The following EYA1 variants were observed in gnomAD, a reference collection of about 807,000 sequenced individuals.
EYA1 encodes the protein EYA transcriptional coactivator and phosphatase 1, also known as protein phosphatase EYA1.
A neutral mutation model predicts 82.0 loss-of-function variants in EYA1; 16 were observed. The ratio of observed to expected loss-of-function variants is 0.20; its 90% confidence interval spans 0.13 to 0.30. The LOEUF (loss-of-function observed/expected upper bound fraction) is 0.30. EYA1 is among the 10% of genes least tolerant of loss of function. The pLI is 1.00. For missense variants in EYA1, 633 were observed against 730.7 expected, an observed-to-expected ratio of 0.87 and a Z score of 1.54; for synonymous variants, 261 against 264.4, an observed-to-expected ratio of 0.99 and a Z score of 0.12.
chr8:71,434,287 T>C (rs1364547842), intron 2 of EYA1, among the ~76,000 whole-genome samples: 1 of 152,180 alleles, frequency 6.6e-6, no homozygotes, highest in Non-Finnish European at 1.5e-5. Context: ...TTCACACATA[T>C]AGGGACACCA....
At chr8:71,475,582 C>T (rs1809598281) in intron 2 of EYA1, among the ~76,000 whole-genome samples, 1 of 152,050 alleles carries the variant, frequency 6.6e-6, no homozygotes, top group Admixed American at 6.5e-5. Flanking sequence ...TTTTCATTGT[C>T]CCAAAGTCTA....
chr8:71,346,431 A>AAT (rs3066856), intron 3 of EYA1, among the ~76,000 whole-genome samples: 6,494 of 105,350 alleles, frequency 0.062, 288 homozygotes, highest in African/African-American at 0.11. Context: ...TACTGCAGTG[A>AAT]ATATATATAT....
intron 2 of EYA1, among the ~76,000 whole-genome samples, chr8:71,385,525 T>C (rs1828927451): frequency 1.3e-5 from 2 of 152,190 alleles, no homozygotes; most frequent in Non-Finnish European, 2.9e-5. Flanking sequence ...CTGAAGTTTA[T>C]ATAATACTTT....
chr8:71,279,050 C>T (rs16937550), intron 9 of EYA1, among the ~76,000 whole-genome samples: 13,403 of 152,236 alleles, frequency 0.088, 1,045 homozygotes, highest in East Asian at 0.43. Context: ...AGGGTAGCTA[C>T]GATCTCTGGC....
At chr8:71,262,191 T>C (rs1365815657) in intron 11 of EYA1, among the ~76,000 whole-genome samples, 4 of 152,250 alleles carry the variant, frequency 2.6e-5, no homozygotes, top group Non-Finnish European at 5.9e-5. Context: ...CATTGGATAA[T>C]AAGTGTGAGA....
At chr8:71,331,081 T>G (rs1048558735) in intron 4 of EYA1, among the ~76,000 whole-genome samples, 1 of 151,762 alleles carries the variant, frequency 6.6e-6, no homozygotes, top group African/African-American at 2.4e-5. Flanking sequence ...CTTCAAAAAT[T>G]AGCTGGGCAT....
chr8:71,308,311 G>A (rs537311988), intron 7 of EYA1, among the ~76,000 whole-genome samples: 1 of 152,136 alleles, frequency 6.6e-6, no homozygotes, highest in Non-Finnish European at 1.5e-5. Context: ...ATTTTTAAAG[G>A]ACTTCTTCAT....
At chr8:71,328,681 G>C (rs928443095) in intron 4 of EYA1, among the ~76,000 whole-genome samples, 1 of 152,068 alleles carries the variant, frequency 6.6e-6, no homozygotes, top group African/African-American at 2.4e-5. Flanking sequence ...TTTCTCTGGG[G>C]TTGATGACAG....
intron 2 of EYA1, among the ~76,000 whole-genome samples, chr8:71,499,438 G>A (rs1165192056): frequency 6.6e-6 from 1 of 152,182 alleles, no homozygotes; most frequent in Admixed American, 6.5e-5. Flanking sequence ...GAGGTGCTAA[G>A]GAACTTACTA....
upstream of EYA1, among the ~76,000 whole-genome samples, chr8:71,362,684 T>A (rs1827506414): frequency 6.6e-6 from 1 of 152,218 alleles, no homozygotes; most frequent in South Asian, 2.1e-4. Context: ...CTGTGAACAA[T>A]TCCTTGGCTA....
intron 3 of EYA1, among the ~76,000 whole-genome samples, chr8:71,337,276 C>T (rs895133829): frequency 6.6e-6 from 1 of 152,158 alleles, no homozygotes; most frequent in Non-Finnish European, 1.5e-5. Context: ...CCATACTCTT[C>T]ATTATATGAC....
At chr8:71,512,658 AT>A (rs1311877704) in intron 2 of EYA1, among the ~76,000 whole-genome samples, 1 of 152,106 alleles carries the variant, frequency 6.6e-6, no homozygotes, top group East Asian at 1.9e-4. Context: ...TTTAAAAAAA[AT>A]CTAACATAAG....
intron 3 of EYA1, among the ~76,000 whole-genome samples, chr8:71,337,600 A>T (rs1824647134): frequency 6.6e-6 from 1 of 152,202 alleles, no homozygotes; most frequent in South Asian, 2.1e-4. Context: ...AGACTTTCTA[A>T]AAGTGATTTA....
intron 2 of EYA1, among the ~76,000 whole-genome samples, chr8:71,522,157 TG>T (rs1240544799): frequency 6.6e-6 from 1 of 152,210 alleles, no homozygotes; most frequent in Admixed American, 6.5e-5. Context: ...TAAAATTATA[TG>T]CTAAACCCAA....
At chr8:71,421,338 C>G (rs1249077496) in intron 2 of EYA1, among the ~76,000 whole-genome samples, 1 of 152,174 alleles carries the variant, frequency 6.6e-6, no homozygotes, top group Non-Finnish European at 1.5e-5. Flanking sequence ...ACACTGGACA[C>G]TTCCTAGTCC....
intron 12 of EYA1, among the ~76,000 whole-genome samples, chr8:71,217,599 G>A (rs750606611): frequency 4.6e-5 from 7 of 152,086 alleles, no homozygotes; most frequent in Non-Finnish European, 1.0e-4. Context: ...GTGTGTGTGT[G>A]TGTGTACACA....
chr8:71,403,033 C>T (rs1348071373), intron 2 of EYA1, among the ~76,000 whole-genome samples: 2 of 152,050 alleles, frequency 1.3e-5, no homozygotes, highest in East Asian at 3.8e-4. Flanking sequence ...GTGAGATTTT[C>T]CCAGGCAAAA....
At chr8:71,450,183 T>C (rs777947064) in intron 2 of EYA1, among the ~76,000 whole-genome samples, 1 of 152,236 alleles carries the variant, frequency 6.6e-6, no homozygotes, top group Non-Finnish European at 1.5e-5. Flanking sequence ...GGACTTTTCT[T>C]TTGAATTAAC....
chr8:71,454,025 C>A (rs371144578), intron 2 of EYA1, among the ~76,000 whole-genome samples: 2 of 152,084 alleles, frequency 1.3e-5, no homozygotes, highest in East Asian at 3.9e-4. Flanking sequence ...TCAGGAAACC[C>A]ATCTCACATG....
Sources: allele counts gnomAD v4.1 joint callset (sites outside exome capture counted in the v4.1 genomes callset), GRCh38; gene constraint gnomAD v4.1.1; transcripts MANE v1.5; gene names NCBI Gene and HGNC (gene_info 2026-07-23, HGNC 2026-07-21).